The following COL5A2 variants were observed in gnomAD, a reference collection of about 807,000 sequenced individuals.
COL5A2 encodes collagen type V alpha 2 chain, also known as collagen alpha-2(V) chain.
A neutral mutation model predicts 208.2 loss-of-function variants in COL5A2; 23 were observed. The observed-to-expected ratio is 0.11, with a 90% CI of 0.08 to 0.16. The LOEUF is 0.16. Ranked by LOEUF, COL5A2 falls within the 10% of genes least tolerant of loss-of-function variation. The pLI is 1.00. For synonymous variants in COL5A2, 625 were observed against 628.5 expected (o/e 0.99, Z 0.08); for missense variants, 1,590 against 1,956.4 (o/e 0.81, Z 3.53).
At chr2:189,384,799 G>C in the COL5A2 span, among the ~76,000 whole-genome samples, 1 of 152,012 alleles carries the variant, frequency 6.6e-6, no homozygotes, top group African/African-American at 2.4e-5. Flanking sequence ...TGCTTTTGAG[G>C]TCTTACTCAA....
chr2:189,425,845 G>A, the COL5A2 span, among the ~76,000 whole-genome samples: 1 of 152,116 alleles, frequency 6.6e-6, no homozygotes, highest in Non-Finnish European at 1.5e-5. Flanking sequence ...CATGTAAGAT[G>A]CCTCACTCCC....
chr2:189,372,859 A>C, the COL5A2 span, among the ~76,000 whole-genome samples: 1 of 152,194 alleles, frequency 6.6e-6, no homozygotes, highest in South Asian at 2.1e-4. Context: ...TTGTTAAGTC[A>C]TTACATCATC....
Position 189,064,612 on chromosome 2 carries a change from T to C in COL5A2, c.1661A>G (p.Lys554Arg). Residue 554 changes from lysine to arginine, a missense_variant, in exon 25 of 54, where the codon AAA becomes AGA. Transcript: ENST00000374866. ...ERGPVGSSGP[K>R]GSQGDPGRPG... is the part of the protein sequence containing the mutation. ...ACGTCCTGGATCCCCCTGGCTTCCT[T>C]TGGGTCCTGAAGAACCTACAGGACC... 6.2e-7 allele frequency: 1 copy of C among 1,614,020 alleles called. No individual in the cohort carries two copies. The highest frequency in any genetic ancestry group is 8.5e-7 in the Non-Finnish European group (1 of 1,179,992).
At chr2:189,062,447 G>A (rs1166896043) in intron 29 of COL5A2, among the ~76,000 whole-genome samples, 1 of 151,980 alleles carries the variant, frequency 6.6e-6, no homozygotes, top group Non-Finnish European at 1.5e-5. Flanking sequence ...GCCTCCCTAA[G>A]TGCTGGGATT....
Position 189,084,168 on chromosome 2 carries a change from G to A in COL5A2, c.799-131C>T, listed in dbSNP as rs1426690632. The A allele has an allele frequency of 1.6e-5, 11 of 674,222 alleles. 1 individual carries two copies. The Middle Eastern group carries it at 2.1e-3, about 126-fold the overall frequency. 41.8% of individuals were successfully genotyped at this position (674,222 alleles called of 1,614,324 possible). ...AAGCTAATGTACAATTCTCTAAACAGTGCAAAAAATAAAGTAAAAATAGGC... is the reference window on the plus strand; with the variant it reads ...AAGCTAATGTACAATTCTCTAAACAATGCAAAAAATAAAGTAAAAATAGGC... On this transcript the variant is annotated intron_variant, in intron 11 of 53. Transcript: ENST00000374866.
At chr2:189,163,759 T>G (rs1233909131) in intron 1 of COL5A2, among the ~76,000 whole-genome samples, 3 of 152,214 alleles carry the variant, frequency 2.0e-5, no homozygotes, top group Non-Finnish European at 2.9e-5. Flanking sequence ...TATCTAAATA[T>G]TCTATAGTCA....
At chr2:189,155,705 T>C (rs953576565) in intron 1 of COL5A2, among the ~76,000 whole-genome samples, 1 of 152,154 alleles carries the variant, frequency 6.6e-6, no homozygotes, top group African/African-American at 2.4e-5. Context: ...TATTATCTTT[T>C]ATTTCTCTGT....
chr2:189,294,959 C>T, the COL5A2 span, among the ~76,000 whole-genome samples: 28 of 152,104 alleles, frequency 1.8e-4, no homozygotes, highest in Admixed American at 1.4e-3. Context: ...GTACATACCA[C>T]CATGCCTAGC....
At chr2:189,426,728 A>G in the COL5A2 span, among the ~76,000 whole-genome samples, 1 of 152,256 alleles carries the variant, frequency 6.6e-6, no homozygotes, top group Non-Finnish European at 1.5e-5. Context: ...ATCTGGCTGT[A>G]TTGTGCCCTG....
intron 1 of COL5A2, among the ~76,000 whole-genome samples, chr2:189,146,641 C>T (rs1410458065): frequency 4.0e-5 from 6 of 151,728 alleles, no homozygotes; most frequent in Non-Finnish European, 8.8e-5. Flanking sequence ...GAAAATCTGG[C>T]CATTATTAAA....
At chr2:189,070,715 T>C (rs1354148915) in intron 18 of COL5A2, among the ~76,000 whole-genome samples, 1 of 152,174 alleles carries the variant, frequency 6.6e-6, no homozygotes, top group Non-Finnish European at 1.5e-5. Context: ...AGAACTCAAT[T>C]TGGGGACGGA....
chr2:189,433,763 A>G, the COL5A2 span, among the ~76,000 whole-genome samples: 121,517 of 151,476 alleles, frequency 0.8, 50,194 homozygotes, highest in Non-Finnish European at 0.91. Flanking sequence ...ACAAGGAGGA[A>G]CTGGTACCAT....
intron 4 of COL5A2, among the ~76,000 whole-genome samples, chr2:189,099,544 G>C (rs1298618907): frequency 6.6e-6 from 1 of 152,156 alleles, no homozygotes; most frequent in African/African-American, 2.4e-5. Context: ...AGAATCACTT[G>C]AATCTGGGAG....
At chr2:189,084,854 A>T (rs1456868544) in intron 11 of COL5A2, among the ~76,000 whole-genome samples, 1 of 152,204 alleles carries the variant, frequency 6.6e-6, no homozygotes, top group East Asian at 1.9e-4. Context: ...AGGTAATTTC[A>T]GTGGTTCCAC....
the COL5A2 span, among the ~76,000 whole-genome samples, chr2:189,422,959 G>A: frequency 6.6e-6 from 1 of 151,150 alleles, no homozygotes; most frequent in Non-Finnish European, 1.5e-5. Flanking sequence ...GGAGGCGGAG[G>A]TTGTGGTGAG....
At chr2:189,360,499 T>C in the COL5A2 span, among the ~76,000 whole-genome samples, 3 of 152,194 alleles carry the variant, frequency 2.0e-5, no homozygotes, top group Non-Finnish European at 1.5e-5. Flanking sequence ...ACCCATTCAT[T>C]ATTAGAAGTA....
chr2:189,159,185 T>C (rs1052024494), intron 1 of COL5A2, among the ~76,000 whole-genome samples: 9 of 152,200 alleles, frequency 5.9e-5, no homozygotes, highest in African/African-American at 2.2e-4. Flanking sequence ...ACATTTTCAT[T>C]AGAGAACCTC....
intron 1 of COL5A2, among the ~76,000 whole-genome samples, chr2:189,207,332 T>C (rs1689154816): frequency 6.6e-6 from 1 of 152,160 alleles, no homozygotes; most frequent in Non-Finnish European, 1.5e-5. Context: ...CACTGACCCA[T>C]ATTTTCAAAA....
intron 31 of COL5A2, among the ~76,000 whole-genome samples, chr2:189,060,422 C>T (rs1449515290): frequency 6.6e-6 from 1 of 152,122 alleles, no homozygotes; most frequent in Non-Finnish European, 1.5e-5. Flanking sequence ...AGGAAAACGA[C>T]AGAATAAAAT....
Sources: allele counts gnomAD v4.1 joint callset (sites outside exome capture counted in the v4.1 genomes callset), GRCh38; gene constraint gnomAD v4.1.1; transcripts MANE v1.5; gene names NCBI Gene and HGNC (gene_info 2026-07-23, HGNC 2026-07-21).